Variants in AGMO observed in about 807,000 individuals in gnomAD.
AGMO encodes glyceryl-ether monooxygenase.
In AGMO, 75 loss-of-function variants were observed where a neutral mutation model predicts 60.2. The ratio of observed to expected loss-of-function variants is 1.25; its 90% CI spans 1.03 to 1.51. The LOEUF (loss-of-function observed/expected upper bound fraction) is 1.51, where lower values mean the gene tolerates loss of function less well. Ranked by LOEUF, AGMO falls within the 40% of genes most tolerant of loss-of-function variation. The pLI is 0.00. For synonymous variants in AGMO, 261 were observed against 177.1 expected (o/e 1.47, Z -3.76); for missense variants, 763 against 525.5 (o/e 1.45, Z -4.42).
chr7:15,487,218 G>A (rs889825822), intron 3 of AGMO, among the ~76,000 whole-genome samples: 2 of 151,964 alleles, frequency 1.3e-5, no homozygotes, highest in Admixed American at 6.6e-5. Context: ...AGAAATAATT[G>A]AAATAAAATA....
intron 5 of AGMO, among the ~76,000 whole-genome samples, chr7:15,395,799 A>G (rs752882973): frequency 7.9e-5 from 12 of 152,356 alleles, no homozygotes; most frequent in Middle Eastern, 3.4e-3. Context: ...AGTCTCAGAC[A>G]TATCTCTAAT....
At chr7:15,539,474 TTC>T (rs1491335340) in intron 3 of AGMO, among the ~76,000 whole-genome samples, 15 of 112,676 alleles carry the variant, frequency 1.3e-4, no homozygotes, top group East Asian at 6.4e-4. Context: ...CATGATCTCT[TTC>T]TTTTTTATGA....
At chr7:15,126,021 T>C in the AGMO span, among the ~76,000 whole-genome samples, 1 of 152,118 alleles carries the variant, frequency 6.6e-6, no homozygotes, top group African/African-American at 2.4e-5. Flanking sequence ...TAGGATTGCT[T>C]GTAACTAGCT....
chr7:15,350,152 A>G (rs1025352496), intron 12 of AGMO, among the ~76,000 whole-genome samples: 14 of 152,218 alleles, frequency 9.2e-5, no homozygotes, highest in African/African-American at 3.4e-4. Context: ...TTTTTTCTCC[A>G]TTTCATCATA....
Position 15,362,843 on chromosome 7 carries a change from A to G in AGMO, c.1263+2671T>C, listed in dbSNP as rs576892644. Among the ~76,000 whole-genome samples, 18 of 152,318 alleles carry G rather than the reference A, an allele frequency of 1.2e-4. No homozygotes were observed. The Middle Eastern group carries it at 0.01, about 86-fold the overall frequency. On this transcript the variant is annotated intron_variant, in intron 12 of 12. Coordinates refer to ENST00000342526, the MANE Select transcript of AGMO (RefSeq NM_001004320.2). ...TTACATTTTCCAAGCTACTTTTGCT[A>G]TATTTTGCCACAAGGCTTGAGGTAG...
At chr7:15,198,293 T>A (rs2115460403), downstream of AGMO, among the ~76,000 whole-genome samples, 1 of 144,666 alleles carries the variant, frequency 6.9e-6, no homozygotes, top group African/African-American at 2.5e-5. Context: ...GTCCTTCCAG[T>A]AAGCATACAT....
At chr7:15,429,845 T>A (rs1278623176) in intron 4 of AGMO, among the ~76,000 whole-genome samples, 2 of 152,048 alleles carry the variant, frequency 1.3e-5, no homozygotes, top group Non-Finnish European at 2.9e-5. Context: ...ACCTCACTGA[T>A]CTTCAGTTCC....
chr7:15,121,156 C>CT, the AGMO span, among the ~76,000 whole-genome samples: 1 of 152,092 alleles, frequency 6.6e-6, no homozygotes, highest in Non-Finnish European at 1.5e-5. Context: ...CAAATTCATT[C>CT]TTTTTTATGG....
At chr7:15,361,746 GATAA>G (rs965370917) in intron 12 of AGMO, among the ~76,000 whole-genome samples, 20 of 152,098 alleles carry the variant, frequency 1.3e-4, no homozygotes, top group African/African-American at 4.8e-4. Context: ...ATGCAAAACA[GATAA>G]ATAACTTTGC....
chr7:15,343,209 C>T (rs1428131120), intron 12 of AGMO, among the ~76,000 whole-genome samples: 1 of 152,050 alleles, frequency 6.6e-6, no homozygotes, highest in Non-Finnish European at 1.5e-5. Context: ...ATGATCAATT[C>T]TTTTTATTAT....
At chr7:15,384,139 G>T (rs1282046931) in intron 10 of AGMO, among the ~76,000 whole-genome samples, 1 of 152,024 alleles carries the variant, frequency 6.6e-6, no homozygotes, top group Admixed American at 6.6e-5. Flanking sequence ...TGGTTTCACC[G>T]TATTAGCCAG....
intron 3 of AGMO, among the ~76,000 whole-genome samples, chr7:15,465,338 C>G (rs893961059): frequency 1.3e-5 from 2 of 149,628 alleles, no homozygotes; most frequent in African/African-American, 4.9e-5. Flanking sequence ...TGTGTGTGTG[C>G]GTGTGTGTAT....
At chr7:15,388,870 G>T (rs996912080) in intron 8 of AGMO, among the ~76,000 whole-genome samples, 3 of 152,144 alleles carry the variant, frequency 2.0e-5, no homozygotes, top group Non-Finnish European at 4.4e-5. Flanking sequence ...ACATGTAGAA[G>T]AGTAAACCTT....
intron 10 of AGMO, among the ~76,000 whole-genome samples, chr7:15,383,443 C>A (rs576703884): frequency 6.6e-6 from 1 of 152,036 alleles, no homozygotes; most frequent in East Asian, 1.9e-4. Context: ...AAAAGTCCCA[C>A]CTAACACTCC....
At chr7:15,274,401 T>C (rs1319120551) in intron 12 of AGMO, among the ~76,000 whole-genome samples, 4 of 152,184 alleles carry the variant, frequency 2.6e-5, no homozygotes, top group African/African-American at 9.7e-5. Context: ...TTTCGTTCTG[T>C]TTATATGCTG....
At chr7:15,316,517 A>G (rs1780930408) in intron 12 of AGMO, among the ~76,000 whole-genome samples, 1 of 152,154 alleles carries the variant, frequency 6.6e-6, no homozygotes, top group Admixed American at 6.6e-5. Flanking sequence ...TTATCTTTTG[A>G]TAAGGAAGTG....
intron 12 of AGMO, among the ~76,000 whole-genome samples, chr7:15,318,783 CCT>C: frequency 6.6e-6 from 1 of 151,962 alleles, no homozygotes. Flanking sequence ...TTTTATCAAT[CCT>C]CTTTTACAGG....
At chr7:15,355,695 T>G (rs1782504809) in intron 12 of AGMO, among the ~76,000 whole-genome samples, 1 of 152,084 alleles carries the variant, frequency 6.6e-6, no homozygotes, top group Non-Finnish European at 1.5e-5. Context: ...GATGTCTATC[T>G]GAATTAATAA....
intron 12 of AGMO, among the ~76,000 whole-genome samples, chr7:15,308,104 T>C (rs1281805682): frequency 6.6e-6 from 1 of 152,040 alleles, no homozygotes; most frequent in Admixed American, 6.6e-5. Context: ...CCAGGAAACA[T>C]TTCCAAAAGA....
Sources: gnomAD v4.1 joint callset for allele counts (sites outside exome capture counted in the v4.1 genomes callset) on GRCh38, gnomAD v4.1.1 for gene constraint, MANE v1.5 for transcripts, NCBI Gene and HGNC (gene_info 2026-07-23, HGNC 2026-07-21) for gene names.